SLC4A8: variants seen among roughly 807,000 people sequenced by gnomAD.
The protein encoded by SLC4A8 is electroneutral sodium bicarbonate exchanger 1.
A neutral mutation model predicts 125.0 loss-of-function variants in SLC4A8; 40 were observed. That is an observed-to-expected ratio of 0.32 (90% confidence interval 0.25 to 0.42). The LOEUF (loss-of-function observed/expected upper bound fraction) is 0.42. Among genes scored for constraint, SLC4A8 ranks in the 10% least tolerant of loss-of-function variants. SLC4A8 has a pLI of 1.00. For synonymous variants in SLC4A8, 456 were observed against 476.0 expected, an observed-to-expected ratio of 0.96 and a Z score of 0.55; for missense variants, 863 against 1,355.1, an observed-to-expected ratio of 0.64 and a Z score of 5.70.
At chr12:51,462,174 TA>T in intron 9 of SLC4A8, 135 bp from the exon 10 acceptor site, 1 of 787,218 alleles carries the variant, frequency 1.3e-6, no homozygotes, top group Non-Finnish European at 2.1e-6. Flanking sequence ...CTCTAAGTGC[TA>T]AAGTTTTCTG....
chr12:51,501,971 T>A (rs983882020), intron 22 of SLC4A8: 1 of 152,198 alleles, frequency 6.6e-6, no homozygotes, highest in African/African-American at 2.4e-5. Flanking sequence ...AAGTGTCTGT[T>A]CATATCCTTT....
At chr12:51,439,406 T>C (rs1032687928) in intron 1 of SLC4A8, among the ~76,000 whole-genome samples, 2 of 152,024 alleles carry the variant, frequency 1.3e-5, no homozygotes, top group African/African-American at 4.8e-5. Context: ...GGTATATAAA[T>C]GGTGGACCTA....
At chr12:51,448,592 G>A (rs761140889) in intron 2 of SLC4A8, among the ~76,000 whole-genome samples, 1 of 152,202 alleles carries the variant, frequency 6.6e-6, no homozygotes, top group Non-Finnish European at 1.5e-5. Context: ...GGGGGATGGA[G>A]CAGCACAGTC....
At position 51,440,799 on chromosome 12, in the gene SLC4A8, G is replaced by T. The variant is rs912292732; in HGVS notation, c.130+10G>T. 4 of 1,601,206 alleles carry T rather than the reference G, an allele frequency of 2.5e-6. No individual in the cohort carries two copies. Among genetic ancestry groups the T allele is most frequent in the Non-Finnish European group, 3.4e-6 (4 of 1,174,974 alleles). On this transcript the variant is annotated intron_variant, in intron 2 of 24. Coordinates refer to ENST00000453097, the MANE Select transcript of SLC4A8 (RefSeq NM_001039960.3). ...AAAGAAGAGCTGGAAGGTAAGAACT[G>T]CCATGCTGTGTGATCAGGGAAATTG...
In SLC4A8 at chr12:51,489,717, C is replaced by A; in HGVS notation, c.2466C>A (p.His822Gln). 6.2e-7 allele frequency: 1 copy of A among 1,614,170 alleles called. No homozygotes were observed. Among genetic ancestry groups the A allele is most frequent in the South Asian group, 1.1e-5 (1 of 91,088 alleles). ...CCCCACAGAAAGGCTGTGGCTACCA[C>A]CTGGACCTACTGATGGTGGCCATCA... The part of the protein sequence containing the change: ...EHKLKKGCGY[H>Q]LDLLMVAIML... Residue 822 changes from histidine to glutamine, a missense_variant, in exon 19 of 25, where the codon CAC becomes CAA. This residue lies in a region of SLC4A8 where 197 missense variants were observed against 377.7 expected (regional missense o/e 0.52). Coordinates refer to ENST00000453097, the MANE Select transcript of SLC4A8 (RefSeq NM_001039960.3).
intron 10 of SLC4A8, 40 bp downstream of exon 10, chr12:51,462,496 A>G: frequency 1.3e-6 from 2 of 1,507,046 alleles, no homozygotes; most frequent in Non-Finnish European, 1.8e-6. Context: ...ATTGTCACTT[A>G]CTGACTGCCC....
chr12:51,483,708 G>A (rs1475508503), intron 16 of SLC4A8, among the ~76,000 whole-genome samples: 2 of 151,768 alleles, frequency 1.3e-5, no homozygotes, highest in African/African-American at 4.8e-5. Flanking sequence ...TTCAAGGTTT[G>A]GAAGTATAAT....
intron 22 of SLC4A8, among the ~76,000 whole-genome samples, chr12:51,501,155 T>C (rs1937865156): frequency 6.6e-6 from 1 of 152,210 alleles, no homozygotes; most frequent in South Asian, 2.1e-4. Flanking sequence ...AAACATTTTA[T>C]TATGGATTTC....
intron 14 of SLC4A8, among the ~76,000 whole-genome samples, chr12:51,471,968 C>T (rs1950712755): frequency 1.3e-5 from 2 of 152,188 alleles, no homozygotes; most frequent in Non-Finnish European, 2.9e-5. Context: ...GTACAGGCAA[C>T]TCTTAGGAAT....
At chr12:51,467,392 G>A (rs1260248163) in intron 11 of SLC4A8, 1 of 152,222 alleles carries the variant, frequency 6.6e-6, no homozygotes, top group Non-Finnish European at 1.5e-5. Context: ...GTAAGCTGAG[G>A]AAAGGTGAAT....
chr12:51,475,635 A>T (rs151243810), intron 16 of SLC4A8, among the ~76,000 whole-genome samples: 88 of 152,324 alleles, frequency 5.8e-4, no homozygotes, highest in Non-Finnish European at 8.8e-4. Context: ...TTAATAGCTT[A>T]TGAAATCACT....
intron 16 of SLC4A8, among the ~76,000 whole-genome samples, chr12:51,484,768 T>C (rs1196547045): frequency 6.6e-6 from 1 of 152,056 alleles, no homozygotes; most frequent in African/African-American, 2.4e-5. Context: ...GGATCCTAAA[T>C]TGGATGGGAA....
intron 18 of SLC4A8, 69 bp from the exon 19 acceptor site, chr12:51,489,631 G>A (rs150015976): frequency 1.8e-5 from 28 of 1,586,568 alleles, no homozygotes; most frequent in East Asian, 1.6e-4. Context: ...CCTGAGACCC[G>A]TAGCTCACTG....
intron 22 of SLC4A8, among the ~76,000 whole-genome samples, chr12:51,499,391 T>C (rs972575247): frequency 2.7e-5 from 4 of 150,934 alleles, no homozygotes; most frequent in African/African-American, 9.8e-5. Context: ...CACCAAAATG[T>C]TTATTGTGTT....
chr12:51,395,054 G>A (rs532899618), intron 1 of SLC4A8, among the ~76,000 whole-genome samples: 229 of 150,842 alleles, frequency 1.5e-3, no homozygotes, highest in South Asian at 3.2e-3. Flanking sequence ...AAAAAAAAAC[G>A]GGTTTCTGTA....
At chr12:51,444,383 C>T (rs1352345270) in intron 2 of SLC4A8, among the ~76,000 whole-genome samples, 2 of 152,126 alleles carry the variant, frequency 1.3e-5, no homozygotes, top group African/African-American at 4.8e-5. Flanking sequence ...TAGCTCTGAC[C>T]CCCTGCCGAA....
At chr12:51,482,599 C>T (rs7296828) in intron 16 of SLC4A8, among the ~76,000 whole-genome samples, 1,956 of 152,140 alleles carry the variant, frequency 0.013, 16 homozygotes, top group Middle Eastern at 0.02. Context: ...AGGCTGGTCT[C>T]GAATTCCTGA....
Position 51,505,569 on chromosome 12 carries a change from G to C in SLC4A8, c.3174-266G>C, listed in dbSNP as rs1287888034. Among the ~76,000 whole-genome samples, 8 of 152,364 alleles carry C rather than the reference G, an allele frequency of 5.3e-5. No homozygotes were observed. The East Asian group carries it at 1.5e-3, about 29-fold the overall frequency. On this transcript the variant is annotated intron_variant, in intron 23 of 24. Transcript: ENST00000453097. ...ATCTCCAGTGAGGCCCTTCGGAGGAGTGCACAGTTGTGGGAGCAGGACTGG... is the reference window on the plus strand; with the variant it reads ...ATCTCCAGTGAGGCCCTTCGGAGGACTGCACAGTTGTGGGAGCAGGACTGG...
intron 16 of SLC4A8, among the ~76,000 whole-genome samples, chr12:51,480,924 C>T (rs1222123463): frequency 6.6e-6 from 1 of 152,194 alleles, no homozygotes; most frequent in African/African-American, 2.4e-5. Context: ...ACCTGAACTG[C>T]CTTACCTGCA....
Sources: gnomAD v4.1 joint callset for allele counts (sites outside exome capture counted in the v4.1 genomes callset) on GRCh38, gnomAD v4.1.1 for gene constraint, gnomAD v4.1.1 regional missense constraint, MANE v1.5 for transcripts, NCBI Gene and HGNC (gene_info 2026-07-23, HGNC 2026-07-21) for gene names.